Variants in ROBO2 observed in about 807,000 individuals in gnomAD.
ROBO2 encodes roundabout guidance receptor 2, also known as roundabout homolog 2.
In ROBO2, 53 loss-of-function variants were observed where a neutral mutation model predicts 160.8. The ratio of observed to expected loss-of-function variants is 0.33; its 90% CI spans 0.26 to 0.41. The LOEUF (loss-of-function observed/expected upper bound fraction) is 0.41. ROBO2 is among the 10% of genes least tolerant of loss of function. The pLI, the probability that ROBO2 is intolerant of heterozygous loss-of-function variation, is 1.00. For synonymous variants in ROBO2, 664 were observed against 611.7 expected, an observed-to-expected ratio of 1.09 and a Z score of -1.26; for missense variants, 1,577 against 1,722.4, an observed-to-expected ratio of 0.92 and a Z score of 1.49.
intron 2 of ROBO2, among the ~76,000 whole-genome samples, chr3:76,881,619 A>G (rs2148748716): frequency 6.6e-6 from 1 of 152,358 alleles, no homozygotes; most frequent in Middle Eastern, 3.4e-3. Flanking sequence ...TTGGAATACA[A>G]AATATGTATT....
chr3:76,259,984 T>G (rs1280090434), intron 2 of ROBO2, among the ~76,000 whole-genome samples: 1 of 152,146 alleles, frequency 6.6e-6, no homozygotes, highest in African/African-American at 2.4e-5. Flanking sequence ...CAATCTGGTA[T>G]GAAATTGAAA....
intron 2 of ROBO2, among the ~76,000 whole-genome samples, chr3:77,463,978 C>CT (rs1293046872): frequency 3.3e-5 from 5 of 152,168 alleles, no homozygotes; most frequent in Admixed American, 2.0e-4. Flanking sequence ...AATTCAAAGT[C>CT]TTTCTTGTTT....
intron 2 of ROBO2, among the ~76,000 whole-genome samples, chr3:76,674,400 A>C (rs921121562): frequency 2.0e-5 from 3 of 151,766 alleles, no homozygotes; most frequent in African/African-American, 7.3e-5. Context: ...CACTGTCAGC[A>C]CTCCCCATCC....
chr3:77,289,504 A>C (rs2060903757), intron 2 of ROBO2, among the ~76,000 whole-genome samples: 1 of 151,778 alleles, frequency 6.6e-6, no homozygotes. Flanking sequence ...AGTAAAATTG[A>C]CGGTTCAATG....
chr3:77,050,269 C>T (rs933902904), intron 1 of ROBO2, among the ~76,000 whole-genome samples: 3 of 152,060 alleles, frequency 2.0e-5, no homozygotes, highest in Non-Finnish European at 4.4e-5. Flanking sequence ...AAATCAGAGA[C>T]AGCATTTCAC....
chr3:77,608,906 T>C (rs2094574606), intron 21 of ROBO2, among the ~76,000 whole-genome samples: 1 of 151,306 alleles, frequency 6.6e-6, no homozygotes, highest in African/African-American at 2.4e-5. Context: ...AAAAATCACA[T>C]ATACATGTTT....
At chr3:76,129,562 A>G (rs1247147029) in intron 2 of ROBO2, among the ~76,000 whole-genome samples, 2 of 152,158 alleles carry the variant, frequency 1.3e-5, no homozygotes, top group Non-Finnish European at 2.9e-5. Context: ...AACTAAGTTT[A>G]GAAAAGAGAG....
At chr3:77,160,088 G>A (rs1038513299) in intron 2 of ROBO2, among the ~76,000 whole-genome samples, 16 of 147,464 alleles carry the variant, frequency 1.1e-4, no homozygotes, top group African/African-American at 3.7e-4. Flanking sequence ...TTGTATGTAT[G>A]CCCCTGTTCA....
intron 2 of ROBO2, among the ~76,000 whole-genome samples, chr3:77,127,002 G>A (rs1159383732): frequency 1.3e-5 from 2 of 151,560 alleles, no homozygotes; most frequent in Non-Finnish European, 2.9e-5. Context: ...TGTTAGCCAG[G>A]ATGGTCTCCA....
chr3:76,403,431 C>T (rs2077959767), intron 2 of ROBO2, among the ~76,000 whole-genome samples: 1 of 151,618 alleles, frequency 6.6e-6, no homozygotes, highest in African/African-American at 2.4e-5. Context: ...ATTCTTTTCT[C>T]TCAGATTCTG....
chr3:76,554,344 G>T, intron 2 of ROBO2, among the ~76,000 whole-genome samples: 1 of 152,278 alleles, frequency 6.6e-6, no homozygotes, highest in East Asian at 1.9e-4. Flanking sequence ...TAGATATGAG[G>T]ACATGAAGTA....
intron 2 of ROBO2, among the ~76,000 whole-genome samples, chr3:76,059,833 G>T (rs1468598689): frequency 6.6e-6 from 1 of 152,150 alleles, no homozygotes; most frequent in Non-Finnish European, 1.5e-5. Context: ...TGTATAAGGT[G>T]TGAGGAAAGG....
At chr3:77,317,035 A>C (rs1292378930) in intron 2 of ROBO2, 11 of 1,528,550 alleles carry the variant, frequency 7.2e-6, no homozygotes, top group Non-Finnish European at 1.0e-5. Context: ...GGAGCCGCCA[A>C]ACTCTGTCCC....
intron 2 of ROBO2, among the ~76,000 whole-genome samples, chr3:76,140,470 A>C (rs1198399526): frequency 6.6e-6 from 1 of 151,888 alleles, no homozygotes; most frequent in African/African-American, 2.4e-5. Flanking sequence ...ATTGTACTGA[A>C]GTGTATGTAG....
chr3:77,196,349 G>C (rs1021176857), intron 2 of ROBO2, among the ~76,000 whole-genome samples: 1 of 147,522 alleles, frequency 6.8e-6, no homozygotes, highest in African/African-American at 2.5e-5. Context: ...TTTTAACCTG[G>C]AACTCAATTA....
intron 1 of ROBO2, among the ~76,000 whole-genome samples, chr3:77,073,280 T>G (rs1337521943): frequency 6.6e-6 from 1 of 152,214 alleles, no homozygotes. Flanking sequence ...CCATTATTTT[T>G]CTAATGTTTA....
intron 2 of ROBO2, among the ~76,000 whole-genome samples, chr3:76,031,534 C>A (rs1055970760): frequency 6.6e-6 from 1 of 151,978 alleles, no homozygotes; most frequent in African/African-American, 2.4e-5. Flanking sequence ...TGAGATAGGT[C>A]CCATCAATAC....
intron 2 of ROBO2, among the ~76,000 whole-genome samples, chr3:76,958,978 A>G (rs6766804): frequency 0.83 from 125,798 of 152,130 alleles, 52,578 homozygotes; most frequent in African/African-American, 0.95. Context: ...TATCTCCATA[A>G]CAACATTCAC....
At chr3:76,834,106 C>CTTTCTTTCTTTCTT (rs1559575263) in intron 2 of ROBO2, among the ~76,000 whole-genome samples, 1 of 124,104 alleles carries the variant, frequency 8.1e-6, no homozygotes, top group African/African-American at 3.1e-5. Context: ...TTCTTTCTTT[C>CTTTCTTTCTTTCTT]TTTCTTTCTC....
Sources: allele counts gnomAD v4.1 joint callset (sites outside exome capture counted in the v4.1 genomes callset), GRCh38; gene constraint gnomAD v4.1.1; transcripts MANE v1.5; gene names NCBI Gene and HGNC (gene_info 2026-07-23, HGNC 2026-07-21).